The following AUH variants were observed in gnomAD, a reference collection of about 807,000 sequenced individuals.
AUH encodes AU RNA binding methylglutaconyl-CoA hydratase.
AUH carries 29 observed loss-of-function variants against 42.3 expected under a neutral mutation model. The observed-to-expected ratio is 0.69, with a 90% CI of 0.51 to 0.93. AUH has a LOEUF of 0.93. Among genes scored for constraint, AUH ranks in the 40% least tolerant of loss-of-function variants. The probability of loss-of-function intolerance (pLI) is 0.00; values close to 1 mark genes in which losing one functional copy is unlikely to be tolerated. For synonymous variants in AUH, 174 were observed against 166.4 expected (o/e 1.05, Z -0.35); for missense variants, 452 against 438.1 (o/e 1.03, Z -0.28).
At chr9:91,282,799 C>G (rs1035460086) in intron 6 of AUH, among the ~76,000 whole-genome samples, 1 of 152,148 alleles carries the variant, frequency 6.6e-6, no homozygotes, top group African/African-American at 2.4e-5. Flanking sequence ...ATAACAGGCT[C>G]TGAAATTGAG....
chr9:91,290,511 A>C (rs1826779241), intron 6 of AUH, among the ~76,000 whole-genome samples: 1 of 152,232 alleles, frequency 6.6e-6, no homozygotes, highest in African/African-American at 2.4e-5. Flanking sequence ...AATTTATTTA[A>C]TAGAAACTAG....
At chr9:91,244,626 A>AAT (rs113322624) in intron 6 of AUH, among the ~76,000 whole-genome samples, 4,829 of 152,246 alleles carry the variant, frequency 0.032, 232 homozygotes, top group African/African-American at 0.1. Flanking sequence ...GTTGGTAAGG[A>AAT]AGGTCAGTGA....
chr9:91,260,775 T>C (rs572792514), intron 6 of AUH, among the ~76,000 whole-genome samples: 1 of 152,330 alleles, frequency 6.6e-6, no homozygotes, highest in South Asian at 2.1e-4. Context: ...GTATATACAA[T>C]AGACCCAGGT....
At chr9:91,231,634 T>C (rs1321257344) in intron 6 of AUH, among the ~76,000 whole-genome samples, 1 of 152,142 alleles carries the variant, frequency 6.6e-6, no homozygotes, top group East Asian at 1.9e-4. Context: ...AAAAATAGGA[T>C]TGTCCTTGGT....
At chr9:91,217,187 T>TA (rs1307229348) in intron 8 of AUH, 90 bp downstream of exon 8, 49 of 1,374,610 alleles carry the variant, frequency 3.6e-5, no homozygotes, top group Non-Finnish European at 4.3e-5. Flanking sequence ...TTTAGAACTT[T>TA]AAAAAAAATG....
At chr9:91,294,678 A>C in intron 6 of AUH, 2 of 455,982 alleles carry the variant, frequency 4.4e-6, no homozygotes, top group South Asian at 3.1e-5. Context: ...GATCCCTTTA[A>C]GAACATTCAT....
At chr9:91,289,536 T>C (rs1587782456) in intron 6 of AUH, among the ~76,000 whole-genome samples, 1 of 152,316 alleles carries the variant, frequency 6.6e-6, no homozygotes, top group East Asian at 1.9e-4. Context: ...CCAAAAGAGA[T>C]CTACCAAGAA....
chr9:91,251,464 T>C (rs1003333489), intron 6 of AUH, among the ~76,000 whole-genome samples: 8 of 152,182 alleles, frequency 5.3e-5, no homozygotes, highest in Non-Finnish European at 1.2e-4. Context: ...TCTTTACTAT[T>C]TACAAAGTAG....
chr9:91,309,193 C>A (rs1587828623), intron 4 of AUH, among the ~76,000 whole-genome samples: 1 of 151,884 alleles, frequency 6.6e-6, no homozygotes, highest in Non-Finnish European at 1.5e-5. Flanking sequence ...GGGTGGATCA[C>A]CTGAGGTCAG....
At chr9:91,338,935 T>A (rs1354743613) in intron 3 of AUH, among the ~76,000 whole-genome samples, 3 of 152,180 alleles carry the variant, frequency 2.0e-5, no homozygotes, top group Non-Finnish European at 2.9e-5. Flanking sequence ...TATATCTCTT[T>A]GAATAGTTTA....
chr9:91,350,984 AT>A (rs1831929666), intron 3 of AUH, among the ~76,000 whole-genome samples: 1 of 148,718 alleles, frequency 6.7e-6, no homozygotes, highest in South Asian at 2.1e-4. Flanking sequence ...TTTTTTTTTC[AT>A]TTTTTCAAAC....
chr9:91,293,154 C>A lies in AUH; in HGVS notation c.655+2867G>T, dbSNP rs537199287. Among the ~76,000 whole-genome samples, 5 of 152,240 alleles carry A rather than the reference C, an allele frequency of 3.3e-5. No individual in the cohort carries two copies. The South Asian group carries it at 1.0e-3, about 32-fold the overall frequency. ...CTCCCTTTCCTTGGGTCTCTCTATT[C>A]CCTGAGACAAAACAGTATTGAAATT... On this transcript the variant is annotated intron_variant, in intron 6 of 9. Coordinates refer to ENST00000375731, the MANE Select transcript of AUH (RefSeq NM_001698.3).
chr9:91,269,067 A>T (rs7028794), intron 6 of AUH, among the ~76,000 whole-genome samples: 1 of 151,084 alleles, frequency 6.6e-6, no homozygotes, highest in African/African-American at 2.4e-5. Flanking sequence ...TGCAACCTTC[A>T]CCTCCTGGGT....
chr9:91,252,159 G>A (rs1259195395), intron 6 of AUH, among the ~76,000 whole-genome samples: 1 of 151,958 alleles, frequency 6.6e-6, no homozygotes, highest in Non-Finnish European at 1.5e-5. Flanking sequence ...TAGAGACAGG[G>A]TTTCACCATC....
chr9:91,239,994 T>C (rs1434710116), intron 6 of AUH, among the ~76,000 whole-genome samples: 1 of 152,194 alleles, frequency 6.6e-6, no homozygotes, highest in Non-Finnish European at 1.5e-5. Flanking sequence ...CTTTCATTAA[T>C]ATTTATTATA....
intron 6 of AUH, among the ~76,000 whole-genome samples, chr9:91,291,527 T>C (rs1457861227): frequency 6.6e-6 from 1 of 152,236 alleles, no homozygotes; most frequent in Admixed American, 6.5e-5. Context: ...TAAATCCTTC[T>C]GGTGTTTTTT....
intron 4 of AUH, among the ~76,000 whole-genome samples, chr9:91,321,836 C>T (rs927576253): frequency 1.3e-5 from 2 of 152,284 alleles, no homozygotes; most frequent in South Asian, 2.1e-4. Flanking sequence ...CAGAGCCACA[C>T]ACATTTGTTG....
chr9:91,345,231 G>T (rs1304648937), intron 3 of AUH, among the ~76,000 whole-genome samples: 1 of 152,040 alleles, frequency 6.6e-6, no homozygotes, highest in Non-Finnish European at 1.5e-5. Context: ...AAGGTGAACA[G>T]ATAGGAAAGG....
At chr9:91,239,973 T>C (rs1391307495) in intron 6 of AUH, among the ~76,000 whole-genome samples, 1 of 152,186 alleles carries the variant, frequency 6.6e-6, no homozygotes, top group Non-Finnish European at 1.5e-5. Context: ...TTAAACACTT[T>C]TGTGATACAG....
Sources: gnomAD v4.1 joint callset for allele counts (sites outside exome capture counted in the v4.1 genomes callset) on GRCh38, gnomAD v4.1.1 for gene constraint, MANE v1.5 for transcripts, NCBI Gene and HGNC (gene_info 2026-07-23, HGNC 2026-07-21) for gene names.